Variants in BMP2K observed in about 807,000 individuals in gnomAD.
BMP2K encodes the protein BMP-2-inducible protein kinase.
BMP2K carries 74 observed loss-of-function variants against 116.0 expected under a neutral mutation model. That is an observed-to-expected ratio of 0.64 (90% CI 0.53 to 0.77). The LOEUF (loss-of-function observed/expected upper bound fraction) is 0.77, where lower values mean the gene tolerates loss of function less well. Among genes scored for constraint, BMP2K ranks in the 30% least tolerant of loss-of-function variants. BMP2K has a pLI of 0.00. For synonymous variants in BMP2K, 486 were observed against 502.5 expected (o/e 0.97, Z 0.44); for missense variants, 1,365 against 1,403.6 (o/e 0.97, Z 0.44).
intron 3 of BMP2K, among the ~76,000 whole-genome samples, chr4:78,838,273 G>A (rs1440158855): frequency 6.6e-6 from 1 of 152,164 alleles, no homozygotes; most frequent in East Asian, 1.9e-4. Flanking sequence ...CCTCCCGATG[G>A]GTCCGTCTCA....
At chr4:78,844,543 G>A (rs1236450503) in intron 4 of BMP2K, among the ~76,000 whole-genome samples, 1 of 151,644 alleles carries the variant, frequency 6.6e-6, no homozygotes, top group Non-Finnish European at 1.5e-5. Flanking sequence ...GCTGGACTCT[G>A]CCAGGTACTA....
Position 78,911,169 on chromosome 4 carries a change from A to G in BMP2K, c.2622A>G (p.Glu874=). The change falls in exon 16 of 16, where the codon GAA becomes GAG. Residue 874 remains glutamate, a synonymous_variant. Coordinates refer to ENST00000502613, the MANE Select transcript of BMP2K (RefSeq NM_198892.2). The stretch of plus-strand genomic sequence containing the variant: ...TGCGTGCTCAACAGCCCCAGCAAGA[A>G]AAGAATGAAAAGAACCTCCCTCAAC... ...FAVRAQQPQQ[E]KNEKNLPQHR... 2 of 1,613,832 alleles carry G rather than the reference A, an allele frequency of 1.2e-6. No homozygotes were observed. The highest frequency in any genetic ancestry group is 1.7e-6 in the Non-Finnish European group (2 of 1,179,818).
chr4:78,784,498 C>G (rs1727646613), intron 1 of BMP2K, among the ~76,000 whole-genome samples: 1 of 152,172 alleles, frequency 6.6e-6, no homozygotes, highest in African/African-American at 2.4e-5. Context: ...TTTGGAGATT[C>G]TTTGTCTATG....
intron 7 of BMP2K, among the ~76,000 whole-genome samples, chr4:78,855,018 A>C (rs1731438575): frequency 1.3e-5 from 2 of 152,214 alleles, no homozygotes; most frequent in South Asian, 2.1e-4. Context: ...CTGGGTTTCT[A>C]CTTGTAGAGA....
chr4:78,857,018 C>T (rs932921446), intron 7 of BMP2K, among the ~76,000 whole-genome samples: 7 of 152,096 alleles, frequency 4.6e-5, no homozygotes, highest in African/African-American at 1.7e-4. Context: ...CGTGGCACTA[C>T]ACTAGCACAG....
intron 1 of BMP2K, among the ~76,000 whole-genome samples, chr4:78,802,603 A>G (rs988578547): frequency 2.2e-4 from 34 of 152,164 alleles, no homozygotes; most frequent in African/African-American, 7.5e-4. Flanking sequence ...TCTTTAAGTC[A>G]TCTGAAATTT....
chr4:78,833,464 A>G, intron 2 of BMP2K, 118 bp from the exon 3 acceptor site: 1 of 660,622 alleles, frequency 1.5e-6, no homozygotes, highest in Non-Finnish European at 2.5e-6. Flanking sequence ...TAGATTCTGT[A>G]CTCATGCCTA....
At chr4:78,807,373 A>T (rs899594674) in intron 1 of BMP2K, among the ~76,000 whole-genome samples, 2 of 151,554 alleles carry the variant, frequency 1.3e-5, no homozygotes, top group African/African-American at 4.9e-5. Flanking sequence ...TAACATCTAT[A>T]CTCAAGGGAT....
intron 1 of BMP2K, among the ~76,000 whole-genome samples, chr4:78,788,235 G>C (rs1727824882): frequency 6.6e-6 from 1 of 152,026 alleles, no homozygotes; most frequent in South Asian, 2.1e-4. Flanking sequence ...TGATCAGTAG[G>C]CCATGTATTC....
intron 1 of BMP2K, among the ~76,000 whole-genome samples, chr4:78,812,905 ATGG>A (rs1560511148): frequency 6.6e-6 from 1 of 151,926 alleles, no homozygotes. Context: ...CTTAGCTGGC[ATGG>A]TGGTGTGTGC....
intron 4 of BMP2K, among the ~76,000 whole-genome samples, chr4:78,844,422 T>C (rs927076785): frequency 1.3e-5 from 2 of 151,728 alleles, no homozygotes; most frequent in Non-Finnish European, 3.0e-5. Context: ...GTATTTTAAA[T>C]AAAAATGGTA....
At chr4:78,797,984 T>G (rs984525529) in intron 1 of BMP2K, among the ~76,000 whole-genome samples, 1 of 152,094 alleles carries the variant, frequency 6.6e-6, no homozygotes, top group African/African-American at 2.4e-5. Context: ...CTGACTAATT[T>G]TAAAAATTTT....
chr4:78,822,197 G>T (rs1428593468), intron 1 of BMP2K, among the ~76,000 whole-genome samples: 1 of 139,714 alleles, frequency 7.2e-6, no homozygotes, highest in Non-Finnish European at 1.5e-5. Flanking sequence ...ATTTTTCTTA[G>T]TTGAAACAAA....
rs531793416 is a variant in BMP2K, at chr4:78,830,633, A to T, written c.298-2949A>T. 3.3e-5 allele frequency among the ~76,000 whole-genome samples: 5 copies of T among 152,312 alleles called. No homozygotes were observed. The East Asian group carries it at 9.6e-4, about 29-fold the overall frequency. On this transcript the variant is annotated intron_variant, in intron 2 of 15. Coordinates refer to ENST00000502613, the MANE Select transcript of BMP2K (RefSeq NM_198892.2). ...GCCACCTTCATCAGTTGTCTTAGTTAAATCTTCTGAATAACTTGCTGCATT... is the reference window on the plus strand; with the variant it reads ...GCCACCTTCATCAGTTGTCTTAGTTTAATCTTCTGAATAACTTGCTGCATT...
chr4:78,890,385 C>G (rs1272087096), intron 15 of BMP2K, among the ~76,000 whole-genome samples: 1 of 145,782 alleles, frequency 6.9e-6, no homozygotes, highest in Admixed American at 6.6e-5. Flanking sequence ...TTGTCCGCCT[C>G]ACACATACAC....
intron 9 of BMP2K, among the ~76,000 whole-genome samples, chr4:78,862,710 T>C (rs1168660478): frequency 6.6e-6 from 1 of 152,136 alleles, no homozygotes; most frequent in African/African-American, 2.4e-5. Flanking sequence ...CTGTTACTTA[T>C]ACATTGTTAA....
chr4:78,837,141 C>T (rs1225092713), intron 3 of BMP2K, among the ~76,000 whole-genome samples: 2 of 151,438 alleles, frequency 1.3e-5, no homozygotes, highest in Non-Finnish European at 2.9e-5. Flanking sequence ...TCTTTTAGCT[C>T]TTCTATAGAA....
Position 78,861,454 on chromosome 4 carries a change from C to A in BMP2K, c.1053C>A (p.Ser351Arg). Residue 351 changes from serine to arginine, a missense_variant, in exon 9 of 16, where the codon AGC (serine) becomes AGA (arginine). Transcript: ENST00000502613. ...CTAGTGAAGCAGCTGCTAGGAAAAGCCAAATAAAAGCCAGGTAGGCAAAAC... is the reference window on the plus strand; with the variant it reads ...CTAGTGAAGCAGCTGCTAGGAAAAGACAAATAAAAGCCAGGTAGGCAAAAC... ...MTASEAAARK[S>R]QIKARITDTI... 6.2e-7 allele frequency: 1 copy of A among 1,606,766 alleles called. No homozygotes were observed. Among genetic ancestry groups the A allele is most frequent in the Non-Finnish European group, 8.5e-7 (1 of 1,175,474 alleles).
chr4:78,878,634 T>A (rs1732748637), intron 13 of BMP2K, 100 bp from the exon 14 acceptor site: 2 of 1,005,102 alleles, frequency 2.0e-6, no homozygotes, highest in African/African-American at 3.4e-5. Context: ...ATGATTTGGT[T>A]TTCTAAGTAT....
Sources: allele counts gnomAD v4.1 joint callset (sites outside exome capture counted in the v4.1 genomes callset), GRCh38; gene constraint gnomAD v4.1.1; transcripts MANE v1.5; gene names NCBI Gene and HGNC (gene_info 2026-07-23, HGNC 2026-07-21).